Variants in ODF1 observed in about 807,000 individuals in gnomAD.
The protein encoded by ODF1 is outer dense fiber of sperm tails 1, also known as outer dense fiber protein 1.
A neutral mutation model predicts 24.0 loss-of-function variants in ODF1; 10 were observed. The ratio of observed to expected loss-of-function variants is 0.42; its 90% CI spans 0.26 to 0.71. The LOEUF is 0.71. Ranked by LOEUF, ODF1 falls within the 30% of genes least tolerant of loss-of-function variation. The pLI is 0.28. For synonymous variants in ODF1, 118 were observed against 121.3 expected, an observed-to-expected ratio of 0.97 and a Z score of 0.18; for missense variants, 282 against 307.9, an observed-to-expected ratio of 0.92 and a Z score of 0.63.
chr8:102,556,140 G>A (rs1826108005), intron 1 of ODF1, among the ~76,000 whole-genome samples: 1 of 152,138 alleles, frequency 6.6e-6, no homozygotes, highest in African/African-American at 2.4e-5. Flanking sequence ...GACATGTTGG[G>A]TGATATTATC....
At chr8:102,559,692 G>A (rs1322845553) in intron 1 of ODF1, among the ~76,000 whole-genome samples, 6 of 151,532 alleles carry the variant, frequency 4.0e-5, no homozygotes, top group Non-Finnish European at 8.8e-5. Flanking sequence ...GGAGGAGCCA[G>A]GCGCTGGGCA....
chr8:102,558,171 G>T lies in ODF1; in HGVS notation c.321-2281G>T, dbSNP rs548912807. 1.2e-3 allele frequency among the ~76,000 whole-genome samples: 179 copies of T among 152,358 alleles called. 1 individual carries two copies. In the Middle Eastern group the frequency reaches 0.041, roughly 35 times the overall value. ...GGCCAGAGGTAGAAATGGGGCTGAG[G>T]CCGGGCGCGGTGGCTCACGCCTGTA... On this transcript the variant is annotated intron_variant, in intron 1 of 1. Coordinates refer to ENST00000285402, the MANE Select transcript of ODF1 (RefSeq NM_024410.4).
chr8:102,559,912 A>T (rs1218825782), intron 1 of ODF1, among the ~76,000 whole-genome samples: 2 of 150,904 alleles, frequency 1.3e-5, no homozygotes, highest in East Asian at 3.8e-4. Context: ...TTTAATCTAT[A>T]TAAATATAAA....
At position 102,551,692 on chromosome 8, in the gene ODF1, C is replaced by A; in HGVS notation, c.-36C>A. ...AAATTTTTTCCCGGAGTGCCATTTC[C>A]CAAAGGTACTCACAGAACAATCAGG... On this transcript the variant is annotated 5_prime_UTR_variant, in exon 1 of 2. Coordinates refer to ENST00000285402, the MANE Select transcript of ODF1 (RefSeq NM_024410.4). 1 of 1,509,194 alleles carries A rather than the reference C, an allele frequency of 6.6e-7. No individual in the cohort carries two copies. Among genetic ancestry groups the A allele is most frequent in the Non-Finnish European group, 8.9e-7 (1 of 1,122,816 alleles). The allele number at this position is 1,509,194 out of a possible 1,614,324, so 93.5% of individuals were successfully genotyped here. A position where few individuals can be genotyped will look rare whatever the true frequency, so the allele number is the denominator to read the frequency against.
Position 102,560,886 on chromosome 8 carries a change from G to T in ODF1, c.*2G>T. ...TCCTGTAGGAAGATGATTTTGTAAA[G>T]TGCGCATAGGAACCCATTACTTAAT... On this transcript the variant is annotated 3_prime_UTR_variant, in exon 2 of 2. Transcript: ENST00000285402. 6.2e-7 allele frequency: 1 copy of T among 1,602,224 alleles called. No individual in the cohort carries two copies. Among genetic ancestry groups the T allele is most frequent in the Non-Finnish European group, 8.5e-7 (1 of 1,173,284 alleles).
At chr8:102,554,189 C>T (rs1288768408) in intron 1 of ODF1, among the ~76,000 whole-genome samples, 1 of 152,188 alleles carries the variant, frequency 6.6e-6, no homozygotes, top group Non-Finnish European at 1.5e-5. Flanking sequence ...AGTATTTTTT[C>T]TTCTAGTGCA....
intron 1 of ODF1, among the ~76,000 whole-genome samples, chr8:102,558,542 T>C (rs921120762): frequency 6.6e-6 from 1 of 152,244 alleles, no homozygotes; most frequent in African/African-American, 2.4e-5. Flanking sequence ...CCTCAGTGTC[T>C]TCTGGGACTG....
In ODF1 at chr8:102,551,809, A is replaced by T; in HGVS notation, c.82A>T (p.Ile28Phe). The T allele has an allele frequency of 6.2e-7, 1 of 1,614,172 alleles. No individual in the cohort carries two copies. Among genetic ancestry groups the T allele is most frequent in the Non-Finnish European group, 8.5e-7 (1 of 1,180,036 alleles). The change falls in exon 1 of 2, where the codon ATC becomes TTC. Residue 28 changes from isoleucine to phenylalanine, a missense_variant. Coordinates refer to ENST00000285402, the MANE Select transcript of ODF1 (RefSeq NM_024410.4). ...CAGAGAACTAAGGCAACTGAGATGC[A>T]TCGACGAATTTAGCACACGGTGCCT... ...VDRELRQLRC[I>F]DEFSTRCLCD...
chr8:102,551,979 A>C lies in ODF1; in HGVS notation c.252A>C (p.Arg84=), dbSNP rs1212736489. The change falls in exon 1 of 2, where the codon CGA becomes CGC. Residue 84 remains arginine, a synonymous_variant. Transcript: ENST00000285402. ...CLCDYKLYCL[R]PSLRSLERKA... is the part of the protein sequence containing the mutation. ...GTGATTATAAGCTTTACTGTCTGCG[A>C]CCATCTCTCAGAAGTTTGGAGAGGA... 4 of 1,613,802 alleles carry C rather than the reference A, an allele frequency of 2.5e-6. No homozygotes were observed. The highest frequency in any genetic ancestry group is 2.2e-5 in the East Asian group (1 of 44,876).
At position 102,557,692 on chromosome 8, in the gene ODF1, G is replaced by A. The variant is rs141895542; in HGVS notation, c.321-2760G>A. ...GGCCATAGCCAGGGCCACTAGCAAGGACTCCTAGTTGGGGCCCTTGGCCCT... is the reference window on the plus strand; with the variant it reads ...GGCCATAGCCAGGGCCACTAGCAAGAACTCCTAGTTGGGGCCCTTGGCCCT... On this transcript the variant is annotated intron_variant, in intron 1 of 1. Coordinates refer to ENST00000285402, the MANE Select transcript of ODF1 (RefSeq NM_024410.4). Among the ~76,000 whole-genome samples the A allele has an allele frequency of 3.1e-4, 47 of 152,352 alleles. No individual in the cohort carries two copies. In the East Asian group the frequency reaches 8.7e-3, roughly 28 times the overall value.
intron 1 of ODF1, among the ~76,000 whole-genome samples, chr8:102,560,098 TATC>T (rs1405527606): frequency 2.6e-5 from 4 of 151,440 alleles, no homozygotes; most frequent in African/African-American, 2.5e-5. Flanking sequence ...TTATTATTGT[TATC>T]ATTATTATTA....
At position 102,560,772 on chromosome 8, in the gene ODF1, C is replaced by G. The variant is rs1386367194; in HGVS notation, c.641C>G (p.Pro214Arg). Residue 214 changes from proline (P) to arginine (R), a missense_variant, in exon 2 of 2, where the codon CCC becomes CGC. Transcript: ENST00000285402. ...ACTTCTCCTTGCAGCCCCTGCAGCCCCTGCAGCCCCTGCAACCCCTGCAGC... is the reference window on the plus strand; with the variant it reads ...ACTTCTCCTTGCAGCCCCTGCAGCCGCTGCAGCCCCTGCAACCCCTGCAGC... ...PCTSPCSPCS[P>R]CSPCNPCSPC... The G allele has an allele frequency of 1.8e-6, 2 of 1,097,822 alleles. No homozygotes were observed. Among genetic ancestry groups the G allele is most frequent in the Non-Finnish European group, 2.6e-6 (2 of 782,658 alleles). The allele number at this position is 1,097,822 out of a possible 1,614,324, so 68.0% of individuals were successfully genotyped here.
intron 1 of ODF1, among the ~76,000 whole-genome samples, chr8:102,555,602 C>T (rs1350467887): frequency 6.6e-6 from 1 of 152,166 alleles, no homozygotes; most frequent in Non-Finnish European, 1.5e-5. Flanking sequence ...TCACTGAATC[C>T]ACTCTTGCTT....
chr8:102,560,960 CT>C lies in ODF1; in HGVS notation c.*78del. On this transcript the variant is annotated 3_prime_UTR_variant, in exon 2 of 2. Coordinates refer to ENST00000285402, the MANE Select transcript of ODF1 (RefSeq NM_024410.4). The stretch of plus-strand genomic sequence containing the variant: ...CAGCTCTCCCAATGTTTCTCCTCTC[CT>C]TCCCATGGCCCCTGTTGTTGAAGTA... The C allele has an allele frequency of 1.5e-6, 2 of 1,303,656 alleles. No homozygotes were observed. Among genetic ancestry groups the C allele is most frequent in the Middle Eastern group, 1.9e-4 (1 of 5,166 alleles). 80.8% of individuals were successfully genotyped at this position (1,303,656 alleles called of 1,614,324 possible). A position where few individuals can be genotyped will look rare whatever the true frequency, so the allele number is the denominator to read the frequency against.
chr8:102,560,805 ACCCGTGCAG>A lies in ODF1; in HGVS notation c.678_686del (p.Cys227_Pro229del), dbSNP rs757727788. The A allele has an allele frequency of 1.4e-4, 118 of 866,932 alleles. No individual in the cohort carries two copies. The African/African-American group carries it at 3.3e-3, about 24-fold the overall frequency. The allele number at this position is 866,932 out of a possible 1,614,324, so 53.7% of individuals were successfully genotyped here. A position where few individuals can be genotyped will look rare whatever the true frequency, so the allele number is the denominator to read the frequency against. On this transcript the variant is annotated inframe_deletion, in exon 2 of 2. Coordinates refer to ENST00000285402, the MANE Select transcript of ODF1 (RefSeq NM_024410.4). ...CCCTGCAACCCCTGCAGCCCCTGCA[ACCCGTGCAG>A]CCCATATGATCCTTGCAACCCGTGT...
At chr8:102,558,289 A>G (rs1826136780) in intron 1 of ODF1, among the ~76,000 whole-genome samples, 1 of 152,092 alleles carries the variant, frequency 6.6e-6, no homozygotes, top group Admixed American at 6.5e-5. Context: ...TTCTCTACTA[A>G]AAATACAAAA....
chr8:102,558,495 AG>A, intron 1 of ODF1, among the ~76,000 whole-genome samples: 1 of 152,156 alleles, frequency 6.6e-6, no homozygotes, highest in African/African-American at 2.4e-5. Context: ...GACTGAATAC[AG>A]TCCTCTGGGT....
chr8:102,560,615 G>A lies in ODF1; in HGVS notation c.484G>A (p.Gly162Arg). 1 of 1,614,168 alleles carries A rather than the reference G, an allele frequency of 6.2e-7. No individual in the cohort carries two copies. The highest frequency in any genetic ancestry group is 8.5e-7 in the Non-Finnish European group (1 of 1,180,024). ...AERENRYDCL[G>R]SKKYSYMNIC... The stretch of plus-strand genomic sequence containing the variant: ...GCGGGAGAACAGGTACGACTGCCTT[G>A]GATCGAAAAAGTACAGCTACATGAA... Residue 162 changes from glycine (G) to arginine (R), a missense_variant, in exon 2 of 2, where the codon GGA becomes AGA. Physicochemically the swap from Gly to Arg is moderately radical, Grantham distance 125. Coordinates refer to ENST00000285402, the MANE Select transcript of ODF1 (RefSeq NM_024410.4).
In ODF1 at chr8:102,560,420, C is replaced by G. The variant is rs142396309; in HGVS notation, c.321-32C>G. ...GTGTCTGGATTCTGAGGTCTGAGCTCCCTCCCACCCTATCCCTTTTCTCAA... is the reference window on the plus strand; with the variant it reads ...GTGTCTGGATTCTGAGGTCTGAGCTGCCTCCCACCCTATCCCTTTTCTCAA... On this transcript the variant is annotated intron_variant, in intron 1 of 1. Coordinates refer to ENST00000285402, the MANE Select transcript of ODF1 (RefSeq NM_024410.4). 3.2e-6 allele frequency: 5 copies of G among 1,586,994 alleles called. No homozygotes were observed. In the African/African-American group the frequency reaches 4.0e-5, roughly 13 times the overall value.
Sources: allele counts gnomAD v4.1 joint callset (sites outside exome capture counted in the v4.1 genomes callset), GRCh38; gene constraint gnomAD v4.1.1; transcripts MANE v1.5; gene names NCBI Gene and HGNC (gene_info 2026-07-23, HGNC 2026-07-21).